STARD8: variants seen among roughly 807,000 people sequenced by gnomAD.
STARD8 encodes the protein stAR-related lipid transfer protein 8.
In STARD8, 25 loss-of-function variants were observed where a neutral mutation model predicts 69.4. The observed-to-expected ratio is 0.36, with a 90% CI of 0.26 to 0.50. The LOEUF (loss-of-function observed/expected upper bound fraction) is 0.50, where lower values mean the gene tolerates loss of function less well. Ranked by LOEUF, STARD8 falls within the 20% of genes least tolerant of loss-of-function variation. The pLI is 0.96. For synonymous variants in STARD8, 389 were observed against 374.6 expected (o/e 1.04, Z -0.45); for missense variants, 921 against 932.5 (o/e 0.99, Z 0.16).
intron 1 of STARD8, among the ~76,000 whole-genome samples, chrX:68,659,914 G>C (rs979053541): frequency 2.7e-5 from 3 of 111,577 alleles, no homozygotes; most frequent in African/African-American, 9.8e-5. Context: ...AAAAGCGTCC[G>C]AGGGAGTAGG....
intron 2 of STARD8, among the ~76,000 whole-genome samples, chrX:68,688,524 C>A (rs1251417393): frequency 9.0e-6 from 1 of 110,805 alleles, no homozygotes; most frequent in African/African-American, 3.3e-5. Flanking sequence ...GAAGGAAGAG[C>A]CTCTCTTTCT....
At chrX:68,705,223 G>C (rs2079996776) in intron 2 of STARD8, among the ~76,000 whole-genome samples, 1 of 112,323 alleles carries the variant, frequency 8.9e-6, no homozygotes, top group African/African-American at 3.2e-5. Flanking sequence ...CTTGTCATAG[G>C]GAAACCCAGT....
At chrX:68,671,610 G>A (rs978077210) in intron 2 of STARD8, among the ~76,000 whole-genome samples, 1 of 112,405 alleles carries the variant, frequency 8.9e-6, no homozygotes, top group Non-Finnish European at 1.9e-5. Flanking sequence ...TATCATTTCA[G>A]CTCTGAACTA....
At chrX:68,708,052 A>G (rs1480196704) in intron 2 of STARD8, among the ~76,000 whole-genome samples, 1 of 112,426 alleles carries the variant, frequency 8.9e-6, no homozygotes, top group Non-Finnish European at 1.9e-5. Context: ...AGATGGGTAC[A>G]AAATTCAGCT....
In STARD8 at chrX:68,725,680, A is replaced by G. The variant is rs993684597; in HGVS notation, c.*1258A>G. On this transcript the variant is annotated 3_prime_UTR_variant, in exon 15 of 15. Transcript: ENST00000374599. Reference sequence around the variant, plus strand: ...CATATATATACACACACGCATTTGCACAGACACACACATATATCAATTCTC... The same window carrying G: ...CATATATATACACACACGCATTTGCGCAGACACACACATATATCAATTCTC... 9.3e-6 allele frequency: 1 copy of G among 107,051 alleles called. No homozygotes were observed. The highest frequency in any genetic ancestry group is 3.4e-5 in the African/African-American group (1 of 29,351). The allele number at this position is 107,051 out of a possible 1,213,427, so 8.8% of individuals were successfully genotyped here.
intron 2 of STARD8, chrX:68,693,719 C>T (rs2079895771): frequency 2.7e-6 from 2 of 753,802 alleles, no homozygotes; most frequent in South Asian, 1.4e-4. Flanking sequence ...CCCTGCCCGA[C>T]CCCAGGCCCC....
chrX:68,707,066 C>T (rs973187830), intron 2 of STARD8, among the ~76,000 whole-genome samples: 1 of 112,607 alleles, frequency 8.9e-6, no homozygotes, highest in Non-Finnish European at 1.9e-5. Context: ...ACAGGTCTTT[C>T]TCCGCCGCTC....
rs143381438 is a variant in STARD8, at chrX:68,724,402, G to T, written c.3292G>T (p.Gly1098Cys). ...CTCCTTCCCCACCCTGCAGGCAGCG[G>T]GCCCTGAGACAAAGCTGTGAGCCTT... Reference protein sequence around the residue: ...RDSFPTLQAAGPETKL With the variant: ...RDSFPTLQAACPETKL Residue 1098 changes from glycine (G) to cysteine (C), a missense_variant, in exon 15 of 15, where the codon GGC becomes TGC. Transcript: ENST00000374599. 9 of 1,202,705 alleles carry T rather than the reference G, an allele frequency of 7.5e-6. No individual in the cohort carries two copies. The highest frequency in any genetic ancestry group is 9.0e-6 in the Non-Finnish European group (8 of 891,390).
intron 1 of STARD8, among the ~76,000 whole-genome samples, chrX:68,653,143 A>G: frequency 1.3e-5 from 1 of 76,685 alleles, no homozygotes. Context: ...CACACACCAC[A>G]CACACCACAC....
At position 68,725,578 on chromosome X, in the gene STARD8, A is replaced by ATATATATGTGTG. The variant is rs1187742928; in HGVS notation, c.*1157_*1158insATATATGTGTGT. On this transcript the variant is annotated 3_prime_UTR_variant, in exon 15 of 15. Transcript: ENST00000374599. ...CTAATATATATATATATATATATATATGTGTGTGTGTGTGTGTGTGTATAT... is the reference window on the plus strand; with the variant it reads ...CTAATATATATATATATATATATATATATATATGTGTGTGTGTGTGTGTGTGTGTGTGTATAT... The ATATATATGTGTG allele has an allele frequency of 1.1e-5, 1 of 94,950 alleles. No homozygotes were observed. Among genetic ancestry groups the ATATATATGTGTG allele is most frequent in the African/African-American group, 4.4e-5 (1 of 22,743 alleles). The allele number at this position is 94,950 out of a possible 1,213,427, so 7.8% of individuals were successfully genotyped here. A position where few individuals can be genotyped will look rare whatever the true frequency, so the allele number is the denominator to read the frequency against.
At chrX:68,716,575 G>A in intron 5 of STARD8, 144 bp downstream of exon 5, 1 of 540,445 alleles carries the variant, frequency 1.9e-6, no homozygotes, top group Non-Finnish European at 2.9e-6. Flanking sequence ...TAGGGGTAGA[G>A]ATGGAGGAGA....
chrX:68,649,854 A>C (rs1009087613), intron 1 of STARD8, among the ~76,000 whole-genome samples: 1 of 110,051 alleles, frequency 9.1e-6, no homozygotes, highest in Non-Finnish European at 1.9e-5. Context: ...ATGGTGTGGA[A>C]GGGCCCAAGT....
chrX:68,664,379 G>C (rs2079669862), intron 1 of STARD8, among the ~76,000 whole-genome samples: 1 of 112,120 alleles, frequency 8.9e-6, no homozygotes, highest in Non-Finnish European at 1.9e-5. Context: ...CCAGCAGCCA[G>C]AGTGACCTTT....
intron 1 of STARD8, among the ~76,000 whole-genome samples, chrX:68,662,377 G>A (rs1017854891): frequency 7.2e-5 from 8 of 110,832 alleles, no homozygotes; most frequent in African/African-American, 1.3e-4. Context: ...GTAACATTCC[G>A]AAACATAAAT....
intron 2 of STARD8, among the ~76,000 whole-genome samples, chrX:68,708,923 G>A (rs1428124948): frequency 9.0e-6 from 1 of 111,390 alleles, no homozygotes; most frequent in Non-Finnish European, 1.9e-5. Flanking sequence ...GGCCACCTGG[G>A]CTTCAGCCCC....
chrX:68,697,630 C>T (rs1032993966), intron 2 of STARD8, among the ~76,000 whole-genome samples: 3 of 112,558 alleles, frequency 2.7e-5, no homozygotes, highest in Admixed American at 9.3e-5. Context: ...TCAGGATGAA[C>T]GTCTTTCCCA....
chrX:68,662,052 G>A (rs1412007464), intron 1 of STARD8, among the ~76,000 whole-genome samples: 2 of 101,686 alleles, frequency 2.0e-5, no homozygotes, highest in Admixed American at 2.3e-4. Flanking sequence ...TTGTTGCCCA[G>A]GCTGGAGTGC....
intron 4 of STARD8, 39 bp downstream of exon 4, chrX:68,715,414 C>T: frequency 8.9e-7 from 1 of 1,127,414 alleles, no homozygotes; most frequent in Admixed American, 2.6e-5. Flanking sequence ...AGCCAAAGGC[C>T]TGGCTTGAAG....
chrX:68,653,318 CCA>C lies in STARD8; in HGVS notation c.45+5403_45+5404del, dbSNP rs1425820607. On this transcript the variant is annotated intron_variant, in intron 1 of 14. Transcript: ENST00000374599. ...CACCACACACACACCACACCACACA[CCA>C]CACACACACACCCCACACACCACAC... is the stretch of plus-strand genomic sequence containing the variant. 4.2e-3 allele frequency among the ~76,000 whole-genome samples: 164 copies of C among 38,719 alleles called. 4 individuals carry two copies. The Admixed American group carries it at 0.045, about 11-fold the overall frequency. 33.6% of individuals were successfully genotyped at this position (38,719 alleles called of 115,157 possible).
Sources: allele counts gnomAD v4.1 joint callset (sites outside exome capture counted in the v4.1 genomes callset), GRCh38; gene constraint gnomAD v4.1.1; transcripts MANE v1.5; gene names NCBI Gene and HGNC (gene_info 2026-07-23, HGNC 2026-07-21).